The following EFNA5 variants were observed in gnomAD, a reference collection of about 807,000 sequenced individuals.
EFNA5 encodes ephrin A5.
EFNA5 carries 5 observed loss-of-function variants against 22.9 expected under a neutral mutation model. The observed-to-expected ratio is 0.22, with a 90% confidence interval of 0.11 to 0.46. The LOEUF (loss-of-function observed/expected upper bound fraction) is 0.46. Ranked by LOEUF, EFNA5 falls within the 20% of genes least tolerant of loss-of-function variation. EFNA5 has a pLI of 0.99. For synonymous variants in EFNA5, 113 were observed against 112.2 expected (o/e 1.01, Z -0.04); for missense variants, 237 against 293.3 (o/e 0.81, Z 1.40).
chr5:107,449,990 A>C (rs1749515410), intron 1 of EFNA5, among the ~76,000 whole-genome samples: 1 of 152,132 alleles, frequency 6.6e-6, no homozygotes, highest in Admixed American at 6.6e-5. Context: ...TGCTGACATA[A>C]ATGTTTTTGT....
chr5:107,499,718 G>A (rs1561413817), intron 1 of EFNA5, among the ~76,000 whole-genome samples: 1 of 152,144 alleles, frequency 6.6e-6, no homozygotes, highest in Non-Finnish European at 1.5e-5. Context: ...TAGCAGGGTT[G>A]CTATTTTCCC....
At chr5:107,584,168 C>T (rs1205855589) in intron 1 of EFNA5, among the ~76,000 whole-genome samples, 1 of 152,084 alleles carries the variant, frequency 6.6e-6, no homozygotes, top group African/African-American at 2.4e-5. Flanking sequence ...CAATCAGAAT[C>T]CCCTTAGGAA....
At chr5:107,460,511 C>T (rs1749808872) in intron 1 of EFNA5, among the ~76,000 whole-genome samples, 1 of 152,134 alleles carries the variant, frequency 6.6e-6, no homozygotes, top group Admixed American at 6.6e-5. Context: ...ATCAGTGTAG[C>T]TGATTTATCG....
chr5:107,620,920 G>A (rs1434939200), intron 1 of EFNA5, among the ~76,000 whole-genome samples: 2 of 152,188 alleles, frequency 1.3e-5, no homozygotes, highest in Non-Finnish European at 2.9e-5. Flanking sequence ...GTGGAGCAGA[G>A]GAGTAAGAAA....
At position 107,490,607 on chromosome 5, in the gene EFNA5, GGCTACCACCT is replaced by G. The variant is rs573893186; in HGVS notation, c.126-63108_126-63099del. On this transcript the variant is annotated intron_variant, in intron 1 of 4. Coordinates refer to ENST00000333274, the MANE Select transcript of EFNA5 (RefSeq NM_001962.3). ...TCACCTTTCAGGGAAGTGCAGGGTA[GGCTACCACCT>G]GCACTGCAAAGTTTATCCAACATGA... Among the ~76,000 whole-genome samples, 945 of 152,288 alleles carry G rather than the reference GGCTACCACCT, an allele frequency of 6.2e-3. 10 individuals are homozygous for G. Among genetic ancestry groups the G allele is most frequent in the African/African-American group, 0.021 (888 of 41,554 alleles).
intron 1 of EFNA5, among the ~76,000 whole-genome samples, chr5:107,474,911 G>C (rs933543661): frequency 1.3e-5 from 2 of 152,118 alleles, no homozygotes; most frequent in Non-Finnish European, 2.9e-5. Context: ...ACCATTCAAG[G>C]CCTATACAAT....
chr5:107,479,009 T>G (rs1199281679), intron 1 of EFNA5, among the ~76,000 whole-genome samples: 1 of 152,188 alleles, frequency 6.6e-6, no homozygotes, highest in Non-Finnish European at 1.5e-5. Context: ...GGGCTCAATT[T>G]AAGAAAGTAA....
intron 1 of EFNA5, among the ~76,000 whole-genome samples, chr5:107,522,290 G>A (rs1251670811): frequency 6.6e-6 from 1 of 152,190 alleles, no homozygotes; most frequent in East Asian, 1.9e-4. Flanking sequence ...GTGATACAAG[G>A]AAATGTGAAG....
intron 1 of EFNA5, among the ~76,000 whole-genome samples, chr5:107,590,329 T>G (rs1325252798): frequency 6.6e-6 from 1 of 152,096 alleles, no homozygotes; most frequent in East Asian, 1.9e-4. Flanking sequence ...AGCAGTTCCA[T>G]TAAGAGACAG....
chr5:107,636,391 A>G (rs766810217), intron 1 of EFNA5, among the ~76,000 whole-genome samples: 5 of 152,232 alleles, frequency 3.3e-5, no homozygotes, highest in Non-Finnish European at 5.9e-5. Context: ...CAAAGCACAA[A>G]GCATGTTCAA....
intron 1 of EFNA5, among the ~76,000 whole-genome samples, chr5:107,437,991 A>T (rs559833400): frequency 7.2e-5 from 11 of 152,324 alleles, no homozygotes; most frequent in African/African-American, 2.6e-4. Context: ...CCTCTATTCA[A>T]TTACCATTTA....
chr5:107,635,131 G>C (rs1750346258), intron 1 of EFNA5, among the ~76,000 whole-genome samples: 1 of 152,188 alleles, frequency 6.6e-6, no homozygotes, highest in Non-Finnish European at 1.5e-5. Flanking sequence ...TTCAGGTTTA[G>C]TCATGTCAAA....
chr5:107,428,006 G>T (rs3873123), intron 1 of EFNA5, among the ~76,000 whole-genome samples: 29,346 of 152,010 alleles, frequency 0.19, 2,980 homozygotes, highest in South Asian at 0.33. Flanking sequence ...CTATGCAAAT[G>T]AGAATTACAG....
chr5:107,495,326 G>A (rs1452965919), intron 1 of EFNA5, among the ~76,000 whole-genome samples: 2 of 152,042 alleles, frequency 1.3e-5, no homozygotes, highest in Non-Finnish European at 1.5e-5. Context: ...CACTCACCTC[G>A]AAGGTCTGCA....
intron 1 of EFNA5, among the ~76,000 whole-genome samples, chr5:107,485,178 A>G (rs961465649): frequency 4.6e-5 from 7 of 152,196 alleles, no homozygotes; most frequent in Non-Finnish European, 1.5e-5. Flanking sequence ...CCTTTTCTGC[A>G]TCTCAACTTT....
chr5:107,428,559 T>C (rs2112422453), intron 1 of EFNA5, among the ~76,000 whole-genome samples: 1 of 152,376 alleles, frequency 6.6e-6, no homozygotes, highest in Non-Finnish European at 1.5e-5. Flanking sequence ...GGAACTGTTA[T>C]GCATACAACT....
intron 1 of EFNA5, among the ~76,000 whole-genome samples, chr5:107,649,779 C>T (rs933678360): frequency 1.8e-4 from 27 of 152,196 alleles, no homozygotes; most frequent in African/African-American, 6.3e-4. Flanking sequence ...ACATACTATG[C>T]GCCAGGCATT....
At chr5:107,384,032 A>G (rs961828329) in intron 4 of EFNA5, among the ~76,000 whole-genome samples, 1 of 152,204 alleles carries the variant, frequency 6.6e-6, no homozygotes, top group Non-Finnish European at 1.5e-5. Context: ...AGGATTCCAC[A>G]AAGCATCCTT....
intron 1 of EFNA5, among the ~76,000 whole-genome samples, chr5:107,471,364 T>A (rs560954010): frequency 6.6e-6 from 1 of 152,270 alleles, no homozygotes; most frequent in South Asian, 2.1e-4. Flanking sequence ...AAGCTTTCAT[T>A]ACCTTCATAG....
Sources: allele counts gnomAD v4.1 joint callset (sites outside exome capture counted in the v4.1 genomes callset), GRCh38; gene constraint gnomAD v4.1.1; transcripts MANE v1.5; gene names NCBI Gene and HGNC (gene_info 2026-07-23, HGNC 2026-07-21).